The following ZBTB20 variants were observed in gnomAD, a reference collection of about 807,000 sequenced individuals.
The protein encoded by ZBTB20 is zinc finger and BTB domain containing 20.
ZBTB20 carries 9 observed loss-of-function variants against 56.9 expected under a neutral mutation model. The observed-to-expected ratio is 0.16, with a 90% CI of 0.10 to 0.28. ZBTB20 has a LOEUF of 0.28. Among genes scored for constraint, ZBTB20 ranks in the 10% least tolerant of loss-of-function variants. The pLI, the probability that ZBTB20 is intolerant of heterozygous loss-of-function variation, is 1.00. For missense variants in ZBTB20, 655 were observed against 1,003.0 expected, an observed-to-expected ratio of 0.65 and a Z score of 4.69; for synonymous variants, 417 against 420.7, an observed-to-expected ratio of 0.99 and a Z score of 0.11.
At chr3:114,795,582 A>G (rs1199145817) in intron 5 of ZBTB20, among the ~76,000 whole-genome samples, 1 of 152,038 alleles carries the variant, frequency 6.6e-6, no homozygotes, top group African/African-American at 2.4e-5. Context: ...CACCTGGCTG[A>G]TATTATTTTC....
At position 114,665,109 on chromosome 3, in the gene ZBTB20, G is replaced by A. The variant is rs539404936; in HGVS notation, c.-295+28419C>T. ...AAAAACAAAATATTCAAATACAGTC[G>A]TTTGCCGTGTAATGACATTTTGGTC... is the stretch of plus-strand genomic sequence containing the variant. On this transcript the variant is annotated intron_variant, in intron 6 of 11. Transcript: ENST00000675478. Among the ~76,000 whole-genome samples, 9 of 152,108 alleles carry A rather than the reference G, an allele frequency of 5.9e-5. No homozygotes were observed. The South Asian group carries it at 8.3e-4, about 14-fold the overall frequency.
intron 4 of ZBTB20, among the ~76,000 whole-genome samples, chr3:114,821,334 C>G (rs2073231966): frequency 6.6e-6 from 1 of 152,080 alleles, no homozygotes; most frequent in Non-Finnish European, 1.5e-5. Flanking sequence ...ATATCAGGAA[C>G]CTTATGACAC....
chr3:114,543,378 T>C (rs2049345242), intron 6 of ZBTB20, among the ~76,000 whole-genome samples: 2 of 152,184 alleles, frequency 1.3e-5, no homozygotes, highest in Admixed American at 6.6e-5. Context: ...CTTTTGTCTC[T>C]CCCTATGTTA....
chr3:114,376,888 A>G (rs1387720341), intron 10 of ZBTB20, among the ~76,000 whole-genome samples: 3 of 152,188 alleles, frequency 2.0e-5, no homozygotes, highest in Non-Finnish European at 4.4e-5. Context: ...CACAGGGAGG[A>G]AAATCACTTC....
chr3:114,380,069 G>C, intron 10 of ZBTB20, 148 bp downstream of exon 10: 1 of 869,086 alleles, frequency 1.2e-6, no homozygotes, highest in Non-Finnish European at 1.6e-6. Flanking sequence ...ATAGATATTG[G>C]CTGAATGAAA....
intron 11 of ZBTB20, among the ~76,000 whole-genome samples, chr3:114,341,610 C>T (rs904407151): frequency 6.6e-6 from 1 of 152,226 alleles, no homozygotes; most frequent in Non-Finnish European, 1.5e-5. Flanking sequence ...TCACACTCTT[C>T]TAATCTGTCT....
chr3:114,663,397 A>ATTT (rs1429716280), intron 6 of ZBTB20, among the ~76,000 whole-genome samples: 26 of 149,804 alleles, frequency 1.7e-4, no homozygotes, highest in African/African-American at 5.6e-4. Context: ...AGCGCTAAAC[A>ATTT]TGGAAAGGAA....
chr3:114,603,502 G>C (rs552905979), intron 6 of ZBTB20, among the ~76,000 whole-genome samples: 3 of 151,902 alleles, frequency 2.0e-5, no homozygotes, highest in Non-Finnish European at 3.0e-5. Flanking sequence ...CTTGGCATAA[G>C]AAAGGACTTT....
chr3:114,398,839 A>G (rs1245169938), intron 7 of ZBTB20, among the ~76,000 whole-genome samples: 1 of 152,182 alleles, frequency 6.6e-6, no homozygotes, highest in Non-Finnish European at 1.5e-5. Flanking sequence ...AGAATCTGCT[A>G]CTGCCTTCTA....
intron 4 of ZBTB20, among the ~76,000 whole-genome samples, chr3:114,891,032 GAGATCTCTGCC>G (rs1350002091): frequency 6.6e-6 from 1 of 152,026 alleles, no homozygotes; most frequent in African/African-American, 2.4e-5. Context: ...GCAGTTCACA[GAGATCTCTGCC>G]TCCACTAAAT....
At chr3:114,679,489 G>A (rs970848275) in intron 6 of ZBTB20, among the ~76,000 whole-genome samples, 19 of 151,960 alleles carry the variant, frequency 1.3e-4, no homozygotes, top group African/African-American at 2.9e-4. Flanking sequence ...GAACAGACAC[G>A]TCTCAAAAGA....
chr3:115,027,331 T>A (rs2080467231), intron 2 of ZBTB20: 1 of 151,006 alleles, frequency 6.6e-6, no homozygotes. Flanking sequence ...AATATTGTGT[T>A]ATTGACAAGG....
At chr3:114,485,707 G>A (rs921788337) in intron 7 of ZBTB20, among the ~76,000 whole-genome samples, 2 of 152,068 alleles carry the variant, frequency 1.3e-5, no homozygotes, top group African/African-American at 4.8e-5. Flanking sequence ...GAATGGATTT[G>A]TGCCCTTATA....
intron 8 of ZBTB20, among the ~76,000 whole-genome samples, chr3:114,386,853 G>A (rs779134168): frequency 1.3e-5 from 2 of 152,094 alleles, no homozygotes; most frequent in Non-Finnish European, 2.9e-5. Flanking sequence ...AGGAAAGACA[G>A]AACAAAATAA....
intron 6 of ZBTB20, among the ~76,000 whole-genome samples, chr3:114,678,121 AAAG>A (rs145707928): frequency 2.8e-3 from 429 of 152,302 alleles, no homozygotes; most frequent in Non-Finnish European, 4.8e-3. Flanking sequence ...AGAAATTTTA[AAAG>A]AAGGTTTTAG....
At position 114,655,838 on chromosome 3, in the gene ZBTB20, T is replaced by C. The variant is rs190659899; in HGVS notation, c.-295+37690A>G. On this transcript the variant is annotated intron_variant, in intron 6 of 11. Coordinates refer to ENST00000675478, the MANE Select transcript of ZBTB20 (RefSeq NM_001348800.3). ...ACTCATGAGAAAATACTATAATTTA[T>C]GCATTAGTCAGTTTTTCTTTTAAAG... is the stretch of plus-strand genomic sequence containing the variant. 2.8e-3 allele frequency among the ~76,000 whole-genome samples: 421 copies of C among 152,302 alleles called. 3 individuals carry two copies. Among genetic ancestry groups the C allele is most frequent in the Non-Finnish European group, 4.6e-3 (314 of 68,018 alleles).
At chr3:114,844,135 A>G (rs1167705784) in intron 4 of ZBTB20, among the ~76,000 whole-genome samples, 3 of 151,856 alleles carry the variant, frequency 2.0e-5, no homozygotes, top group Admixed American at 2.0e-4. Context: ...AGCGAAAAAA[A>G]TGGTGAATTA....
At chr3:114,804,500 C>A (rs1196271248) in intron 4 of ZBTB20, among the ~76,000 whole-genome samples, 1 of 151,914 alleles carries the variant, frequency 6.6e-6, no homozygotes, top group African/African-American at 2.4e-5. Flanking sequence ...GTTCACTCAT[C>A]TCTCTATAAT....
intron 6 of ZBTB20, among the ~76,000 whole-genome samples, chr3:114,579,275 GAAAT>G (rs2054402281): frequency 6.6e-6 from 1 of 151,204 alleles, no homozygotes; most frequent in Non-Finnish European, 1.5e-5. Context: ...TTTAAATTCA[GAAAT>G]AAATAATAAA....
Sources: gnomAD v4.1 joint callset for allele counts (sites outside exome capture counted in the v4.1 genomes callset) on GRCh38, gnomAD v4.1.1 for gene constraint, MANE v1.5 for transcripts, NCBI Gene and HGNC (gene_info 2026-07-23, HGNC 2026-07-21) for gene names.